The following FHIT variants were observed in gnomAD, a reference collection of about 807,000 sequenced individuals.
FHIT encodes fragile histidine triad diadenosine triphosphatase.
In FHIT, 19 loss-of-function variants were observed where a neutral mutation model predicts 17.9. That is an observed-to-expected ratio of 1.06 (90% CI 0.74 to 1.56). The LOEUF (loss-of-function observed/expected upper bound fraction) is 1.56. Ranked by LOEUF, FHIT falls within the 40% of genes most tolerant of loss-of-function variation. The pLI is 0.00. For synonymous variants in FHIT, 81 were observed against 69.7 expected (o/e 1.16, Z -0.81); for missense variants, 248 against 189.2 (o/e 1.31, Z -1.82).
At chr3:59,859,355 G>C (rs1559671101) in intron 8 of FHIT, among the ~76,000 whole-genome samples, 1 of 152,180 alleles carries the variant, frequency 6.6e-6, no homozygotes, top group Non-Finnish European at 1.5e-5. Flanking sequence ...TCCAGAGAAA[G>C]AGTCATCCTA....
At chr3:60,937,506 G>A (rs1362953146) in intron 3 of FHIT, among the ~76,000 whole-genome samples, 2 of 150,326 alleles carry the variant, frequency 1.3e-5, no homozygotes, top group African/African-American at 4.9e-5. Flanking sequence ...CTCACAGAAT[G>A]TCTGCCTCTC....
At chr3:60,860,458 GTACATATATATGTATATATGATACATAT>G (rs1703671732) in intron 3 of FHIT, among the ~76,000 whole-genome samples, 1 of 118,266 alleles carries the variant, frequency 8.5e-6, no homozygotes, top group African/African-American at 3.2e-5. Context: ...TGATACATAT[GTACATATATATGTATATATGATACATAT>G]GTATCATATA....
chr3:59,831,019 T>C (rs968310748), intron 8 of FHIT, among the ~76,000 whole-genome samples: 4 of 152,196 alleles, frequency 2.6e-5, no homozygotes, highest in Non-Finnish European at 4.4e-5. Context: ...TTCTGTGTTA[T>C]TGCAAGAAGC....
chr3:60,294,950 C>G (rs1303830008), intron 5 of FHIT, among the ~76,000 whole-genome samples: 3 of 152,100 alleles, frequency 2.0e-5, no homozygotes, highest in Non-Finnish European at 4.4e-5. Flanking sequence ...TGGATTGCTT[C>G]TAGTTTTTGG....
intron 4 of FHIT, among the ~76,000 whole-genome samples, chr3:60,697,827 T>C (rs1553701036): frequency 6.6e-6 from 1 of 152,150 alleles, no homozygotes; most frequent in African/African-American, 2.4e-5. Flanking sequence ...CCATTATAAA[T>C]ACAGCATGCC....
At chr3:59,996,048 A>G (rs1477935812) in intron 7 of FHIT, among the ~76,000 whole-genome samples, 1 of 152,084 alleles carries the variant, frequency 6.6e-6, no homozygotes, top group Non-Finnish European at 1.5e-5. Flanking sequence ...TGTTTTCATC[A>G]CAGAAATTGA....
chr3:60,207,669 C>T (rs1351347499), intron 5 of FHIT, among the ~76,000 whole-genome samples: 3 of 152,156 alleles, frequency 2.0e-5, no homozygotes, highest in South Asian at 2.1e-4. Flanking sequence ...CTATGATTTG[C>T]TTTTTAAAAA....
At chr3:59,808,015 C>T (rs570412460) in intron 8 of FHIT, among the ~76,000 whole-genome samples, 3 of 152,214 alleles carry the variant, frequency 2.0e-5, no homozygotes, top group East Asian at 3.9e-4. Context: ...CAAACATCAC[C>T]GCTACCTAGT....
At chr3:59,944,319 G>A (rs765116499) in intron 7 of FHIT, among the ~76,000 whole-genome samples, 14 of 152,122 alleles carry the variant, frequency 9.2e-5, no homozygotes, top group Middle Eastern at 3.4e-3. Context: ...CTACCATTGC[G>A]CTCAAGATAC....
chr3:60,536,856 A>G lies in FHIT; in HGVS notation c.103+4T>C, dbSNP rs763206844. ...CCCTCTCCAAAAAAAAAAAGAAAGG[A>G]TACGTCCTGGTACCACAGGTTTCCT... On this transcript the variant is annotated splice_donor_region_variant and intron_variant, in intron 5 of 9. Coordinates refer to ENST00000492590, the MANE Select transcript of FHIT (RefSeq NM_002012.4). 5.0e-6 allele frequency: 8 copies of G among 1,588,984 alleles called. No individual in the cohort carries two copies. The highest frequency in any genetic ancestry group is 1.7e-4 in the Middle Eastern group (1 of 5,916).
chr3:59,919,709 C>T (rs1705310629), intron 8 of FHIT, among the ~76,000 whole-genome samples: 1 of 152,202 alleles, frequency 6.6e-6, no homozygotes, highest in South Asian at 2.1e-4. Context: ...AGCTCAGTCT[C>T]CTGCTGTTCC....
At chr3:60,906,015 A>T (rs1203121972) in intron 3 of FHIT, among the ~76,000 whole-genome samples, 1 of 152,226 alleles carries the variant, frequency 6.6e-6, no homozygotes, top group African/African-American at 2.4e-5. Context: ...TTTATAAAGC[A>T]AAACCTAAAC....
intron 3 of FHIT, among the ~76,000 whole-genome samples, chr3:60,857,487 T>C (rs73092730): frequency 0.052 from 7,926 of 152,044 alleles, 253 homozygotes; most frequent in South Asian, 0.11. Flanking sequence ...ATGGGGATAA[T>C]GACAAAAGCT....
chr3:60,000,353 G>A (rs886185008), intron 7 of FHIT, among the ~76,000 whole-genome samples: 1 of 152,192 alleles, frequency 6.6e-6, no homozygotes, highest in Non-Finnish European at 1.5e-5. Flanking sequence ...AAGTTTTATT[G>A]GAATACGGCC....
At chr3:60,846,028 A>G (rs1702913967) in intron 3 of FHIT, among the ~76,000 whole-genome samples, 1 of 152,206 alleles carries the variant, frequency 6.6e-6, no homozygotes, top group Admixed American at 6.5e-5. Flanking sequence ...GAAAGTCATA[A>G]GCACTTACGG....
At chr3:60,067,538 C>A in intron 5 of FHIT, among the ~76,000 whole-genome samples, 1 of 147,308 alleles carries the variant, frequency 6.8e-6, no homozygotes. Flanking sequence ...AAAGGGCTTG[C>A]TAGTCATATT....
At chr3:59,757,555 G>T (rs954828634) in intron 8 of FHIT, among the ~76,000 whole-genome samples, 1 of 152,180 alleles carries the variant, frequency 6.6e-6, no homozygotes, top group South Asian at 2.1e-4. Flanking sequence ...GTAATGGAAT[G>T]CAGTAGGAGG....
At chr3:60,464,275 G>A (rs1276531592) in intron 5 of FHIT, among the ~76,000 whole-genome samples, 1 of 152,032 alleles carries the variant, frequency 6.6e-6, no homozygotes, top group Non-Finnish European at 1.5e-5. Context: ...GGGGTACAAG[G>A]GATATTTTGA....
At chr3:61,094,750 C>T (rs1002133205) in intron 2 of FHIT, among the ~76,000 whole-genome samples, 1 of 152,136 alleles carries the variant, frequency 6.6e-6, no homozygotes, top group Non-Finnish European at 1.5e-5. Flanking sequence ...GATACCATGA[C>T]AGTTGATCTG....
Sources: allele counts gnomAD v4.1 joint callset (sites outside exome capture counted in the v4.1 genomes callset), GRCh38; gene constraint gnomAD v4.1.1; transcripts MANE v1.5; gene names NCBI Gene and HGNC (gene_info 2026-07-23, HGNC 2026-07-21).